BEST3: variants seen among roughly 807,000 people sequenced by gnomAD.
BEST3 encodes the protein bestrophin-3.
Under a neutral mutation model 47.1 loss-of-function variants are expected in BEST3, and 50 were observed. The ratio of observed to expected loss-of-function variants is 1.06; its 90% confidence interval spans 0.85 to 1.34. BEST3 has a LOEUF of 1.34. BEST3 is among the 40% of genes most tolerant of loss of function. BEST3 has a pLI of 0.00. For synonymous variants in BEST3, 282 were observed against 298.8 expected, an observed-to-expected ratio of 0.94 and a Z score of 0.58; for missense variants, 765 against 817.0, an observed-to-expected ratio of 0.94 and a Z score of 0.78.
At chr12:69,646,519 G>A (rs571952257) in intron 9 of BEST3, among the ~76,000 whole-genome samples, 1 of 151,984 alleles carries the variant, frequency 6.6e-6, no homozygotes, top group South Asian at 2.1e-4. Flanking sequence ...GCCAGTGAAT[G>A]GAGCTTACAT....
chr12:69,663,428 C>T (rs892914690), intron 9 of BEST3, among the ~76,000 whole-genome samples: 2 of 152,204 alleles, frequency 1.3e-5, no homozygotes, highest in South Asian at 2.1e-4. Flanking sequence ...TATACTTCCT[C>T]GCTGTGCATC....
intron 4 of BEST3, chr12:69,689,200 G>C: frequency 2.0e-6 from 2 of 985,524 alleles, no homozygotes; most frequent in Admixed American, 1.2e-4. Context: ...GACAGTCAGA[G>C]AGTGGCGGAG....
chr12:69,677,039 G>A lies in BEST3; in HGVS notation c.744C>T (p.Phe248=). 1 of 1,614,212 alleles carries A rather than the reference G, an allele frequency of 6.2e-7. No individual in the cohort carries two copies. Among genetic ancestry groups the A allele is most frequent in the Non-Finnish European group, 8.5e-7 (1 of 1,180,030 alleles). ...QVVTLAVYTF[F]FACLIGRQFL... is the part of the protein sequence containing the mutation. ...ACTGGCGTCCAATCAGGCACGCAAA[G>A]AAGAAGGTATAGACAGCAAGAGTGA... The change falls in exon 7 of 10, where the codon TTC becomes TTT. Residue 248 remains phenylalanine, a synonymous_variant. Coordinates refer to ENST00000330891, the MANE Select transcript of BEST3 (RefSeq NM_032735.3).
At chr12:69,692,318 T>C (rs1474623171) in intron 4 of BEST3, among the ~76,000 whole-genome samples, 1 of 152,252 alleles carries the variant, frequency 6.6e-6, no homozygotes, top group Non-Finnish European at 1.5e-5. Context: ...GAAGGCAGAA[T>C]CACCTCACGC....
chr12:69,679,578 T>A (rs775489), intron 4 of BEST3, among the ~76,000 whole-genome samples: 47,155 of 152,172 alleles, frequency 0.31, 7,903 homozygotes, highest in East Asian at 0.49. Context: ...TGTTTCTTTG[T>A]GGCAGGGTGC....
intron 4 of BEST3, among the ~76,000 whole-genome samples, chr12:69,687,725 A>G (rs1885712040): frequency 1.3e-5 from 2 of 151,690 alleles, no homozygotes; most frequent in South Asian, 4.1e-4. Flanking sequence ...TTTTCCTCAG[A>G]GGTTACTGTC....
chr12:69,687,818 G>C (rs1465285216), intron 4 of BEST3, among the ~76,000 whole-genome samples: 1 of 152,154 alleles, frequency 6.6e-6, no homozygotes, highest in East Asian at 1.9e-4. Flanking sequence ...GAGATGTAAA[G>C]TTTAACTGTA....
At chr12:69,676,317 A>G (rs974388173) in intron 7 of BEST3, among the ~76,000 whole-genome samples, 1 of 152,060 alleles carries the variant, frequency 6.6e-6, no homozygotes, top group Non-Finnish European at 1.5e-5. Flanking sequence ...AGGCTGAGGT[A>G]GGAGAATTGC....
chr12:69,678,365 G>A (rs1038254919), intron 5 of BEST3, among the ~76,000 whole-genome samples: 2 of 152,012 alleles, frequency 1.3e-5, no homozygotes, highest in African/African-American at 2.4e-5. Context: ...GGCTGGGGAG[G>A]TTTATTTCTC....
chr12:69,670,323 A>G (rs1884481855), intron 9 of BEST3: 2 of 636,006 alleles, frequency 3.1e-6, no homozygotes, highest in Non-Finnish European at 5.7e-6. Context: ...GCTAGCTAGA[A>G]GCAGAAGCAA....
At chr12:69,658,360 C>A (rs1218689326) in intron 9 of BEST3, among the ~76,000 whole-genome samples, 1 of 152,046 alleles carries the variant, frequency 6.6e-6, no homozygotes, top group Non-Finnish European at 1.5e-5. Context: ...GGTATAAACT[C>A]CTGGGTCATA....
downstream of BEST3, chr12:69,643,513 AT>A: frequency 7.0e-6 from 3 of 427,332 alleles, no homozygotes; most frequent in Admixed American, 1.2e-4. Context: ...TAGAGTGAAA[AT>A]TACCATTAAA....
intron 7 of BEST3, among the ~76,000 whole-genome samples, chr12:69,674,531 T>C (rs974023820): frequency 6.6e-6 from 1 of 152,226 alleles, no homozygotes; most frequent in Non-Finnish European, 1.5e-5. Flanking sequence ...TTGTCACTAG[T>C]TCCATGGGGC....
chr12:69,690,006 G>T (rs1885852022), intron 4 of BEST3, among the ~76,000 whole-genome samples: 1 of 151,966 alleles, frequency 6.6e-6, no homozygotes, highest in South Asian at 2.1e-4. Flanking sequence ...CAAACTTTGG[G>T]GTACTAAAAA....
chr12:69,662,161 C>T (rs1248967553), intron 9 of BEST3, among the ~76,000 whole-genome samples: 1 of 152,160 alleles, frequency 6.6e-6, no homozygotes, highest in Non-Finnish European at 1.5e-5. Context: ...AAATTATAAA[C>T]TTAATGCACA....
At chr12:69,650,775 A>T (rs1883181364), downstream of BEST3, among the ~76,000 whole-genome samples, 1 of 152,142 alleles carries the variant, frequency 6.6e-6, no homozygotes, top group Non-Finnish European at 1.5e-5. Flanking sequence ...TTAGAGGAGG[A>T]ATTCATTGCC....
At chr12:69,687,855 T>C (rs1885721691) in intron 4 of BEST3, among the ~76,000 whole-genome samples, 1 of 152,194 alleles carries the variant, frequency 6.6e-6, no homozygotes, top group African/African-American at 2.4e-5. Flanking sequence ...TTTATGACAA[T>C]GATTAATTTA....
chr12:69,681,953 G>A (rs1885278111), intron 4 of BEST3, among the ~76,000 whole-genome samples: 1 of 151,712 alleles, frequency 6.6e-6, no homozygotes, highest in Non-Finnish European at 1.5e-5. Context: ...TAGTGGTAGG[G>A]ACCTGTAATC....
intron 1 of BEST3, 62 bp from the exon 2 acceptor site, chr12:69,697,875 G>A: frequency 1.5e-6 from 2 of 1,318,326 alleles, no homozygotes; most frequent in South Asian, 1.5e-5. Context: ...GCATAAATCT[G>A]TATGTCTGTA....
Sources: allele counts gnomAD v4.1 joint callset (sites outside exome capture counted in the v4.1 genomes callset), GRCh38; gene constraint gnomAD v4.1.1; transcripts MANE v1.5; gene names NCBI Gene and HGNC (gene_info 2026-07-23, HGNC 2026-07-21).